The following NMNAT3 variants were observed in gnomAD, a reference collection of about 807,000 sequenced individuals.
The protein encoded by NMNAT3 is nicotinamide nucleotide adenylyltransferase 3.
A neutral mutation model predicts 24.8 loss-of-function variants in NMNAT3; 21 were observed. That is an observed-to-expected ratio of 0.85 (90% CI 0.60 to 1.22). The LOEUF is 1.22. NMNAT3 is among the 50% of genes most tolerant of loss of function. NMNAT3 has a pLI of 0.00. For synonymous variants in NMNAT3, 136 were observed against 155.2 expected (o/e 0.88, Z 0.92); for missense variants, 387 against 436.6 (o/e 0.89, Z 1.01).
chr3:139,593,954 C>T (rs1343472065), intron 3 of NMNAT3, among the ~76,000 whole-genome samples: 1 of 149,328 alleles, frequency 6.7e-6, no homozygotes, highest in Non-Finnish European at 1.5e-5. Context: ...CAAGAAATAA[C>T]TAAAATCAGA....
At position 139,665,725 on chromosome 3, in the gene NMNAT3, G is replaced by GGAGAGAGA. The variant is rs10547665; in HGVS notation, c.-141+11972_-141+11979dup. Among the ~76,000 whole-genome samples the GGAGAGAGA allele has an allele frequency of 4.8e-3, 673 of 139,646 alleles. 3 individuals carry two copies. Among genetic ancestry groups the GGAGAGAGA allele is most frequent in the South Asian group, 0.016 (66 of 4,174 alleles). The allele number at this position is 139,646 out of a possible 152,430, so 91.6% of individuals were successfully genotyped here. A position where few individuals can be genotyped will look rare whatever the true frequency, so the allele number is the denominator to read the frequency against. ...AATAGAATACTATTCATTTGTAACA[G>GGAGAGAGA]GAGAGAGAGAGAGAGAGAGAGAGAG... On this transcript the variant is annotated intron_variant, in intron 1 of 6. Coordinates refer to ENST00000643695, the MANE Select transcript of NMNAT3 (RefSeq NM_001320510.2).
intron 6 of NMNAT3, chr3:139,569,042 T>C (rs1350047199): frequency 2.0e-5 from 3 of 152,228 alleles, no homozygotes; most frequent in Admixed American, 2.0e-4. Flanking sequence ...TGGGTGCATA[T>C]ATATTTAGGA....
At chr3:139,588,160 C>A (rs534326500) in intron 3 of NMNAT3, among the ~76,000 whole-genome samples, 60 of 152,300 alleles carry the variant, frequency 3.9e-4, no homozygotes, top group African/African-American at 1.4e-3. Context: ...CAGGCCCTCC[C>A]CCACTAGATG....
At chr3:139,638,315 G>A (rs1256966234) in intron 1 of NMNAT3, among the ~76,000 whole-genome samples, 1 of 152,120 alleles carries the variant, frequency 6.6e-6, no homozygotes, top group African/African-American at 2.4e-5. Flanking sequence ...CACCTTAGTG[G>A]TAATATTTGA....
At chr3:139,613,164 C>T (rs969998747) in intron 3 of NMNAT3, among the ~76,000 whole-genome samples, 1 of 152,148 alleles carries the variant, frequency 6.6e-6, no homozygotes, top group South Asian at 2.1e-4. Context: ...AGCTTCCGCA[C>T]AGCAAAAGAA....
intron 3 of NMNAT3, chr3:139,599,437 C>G: frequency 1.4e-6 from 1 of 701,168 alleles, no homozygotes; most frequent in East Asian, 2.7e-5. Context: ...TGAAGTGCAC[C>G]CTGGGAAACA....
chr3:139,590,761 G>A (rs1305264651), intron 3 of NMNAT3, among the ~76,000 whole-genome samples: 2 of 152,066 alleles, frequency 1.3e-5, no homozygotes, highest in East Asian at 3.9e-4. Context: ...TATCTAAGAT[G>A]TTAATATGGT....
chr3:139,640,701 C>G (rs976765789), intron 1 of NMNAT3, among the ~76,000 whole-genome samples: 1 of 152,160 alleles, frequency 6.6e-6, no homozygotes, highest in African/African-American at 2.4e-5. Flanking sequence ...AAGAGCTGTT[C>G]ACCTGATACT....
chr3:139,671,833 G>T (rs778347045), intron 1 of NMNAT3, among the ~76,000 whole-genome samples: 1 of 152,142 alleles, frequency 6.6e-6, no homozygotes, highest in Non-Finnish European at 1.5e-5. Flanking sequence ...CATGTAACAG[G>T]CATTCTGTTC....
rs1009163053 is a variant in NMNAT3, at chr3:139,608,499, T to A, written c.109+19117A>T. ...GTGAAGGACAGTGTCACTTCCGCTG[T>A]TCACCCTTTCATGCTTAATTAACAT... On this transcript the variant is annotated intron_variant, in intron 3 of 6. Transcript: ENST00000643695. Among the ~76,000 whole-genome samples, 11 of 152,258 alleles carry A rather than the reference T, an allele frequency of 7.2e-5. 1 individual carries two copies. The highest frequency in any genetic ancestry group is 1.5e-5 in the Non-Finnish European group (1 of 68,048).
At position 139,579,014 on chromosome 3, in the gene NMNAT3, CGTT is replaced by C. The variant is rs1559868895; in HGVS notation, c.430_432del (p.Asn144del). 1 of 1,614,090 alleles carries C rather than the reference CGTT, an allele frequency of 6.2e-7. No individual in the cohort carries two copies. The highest frequency in any genetic ancestry group is 8.5e-7 in the Non-Finnish European group (1 of 1,180,006). ...GCGAGGTCTTTCTTCCCATAGGTGT[CGTT>C]GACAGGAGAGATGATACCCTGGATG... On this transcript the variant is annotated inframe_deletion, in exon 5 of 7. Transcript: ENST00000643695.
At chr3:139,593,313 A>T (rs1417659490) in intron 3 of NMNAT3, among the ~76,000 whole-genome samples, 1 of 152,236 alleles carries the variant, frequency 6.6e-6, no homozygotes, top group African/African-American at 2.4e-5. Context: ...AGATTCATAA[A>T]GTCCTTAGTG....
At chr3:139,573,304 C>T (rs1043929967) in intron 6 of NMNAT3, among the ~76,000 whole-genome samples, 7 of 152,192 alleles carry the variant, frequency 4.6e-5, no homozygotes, top group Non-Finnish European at 1.0e-4. Context: ...CAGTTTATCC[C>T]TGTGTGACCC....
At chr3:139,640,237 C>T (rs553636106) in intron 1 of NMNAT3, among the ~76,000 whole-genome samples, 1 of 152,164 alleles carries the variant, frequency 6.6e-6, no homozygotes, top group Non-Finnish European at 1.5e-5. Flanking sequence ...GGGCTAGTGT[C>T]CCAGTGTCTG....
At position 139,640,299 on chromosome 3, in the gene NMNAT3, T is replaced by A. The variant is rs146621455; in HGVS notation, c.-140-2237A>T. ...CCTGATTGGGGGAAAACTCAGGAGATCAGCCAGGCTGCTTTCTGGTTTTAA... is the reference window on the plus strand; with the variant it reads ...CCTGATTGGGGGAAAACTCAGGAGAACAGCCAGGCTGCTTTCTGGTTTTAA... On this transcript the variant is annotated intron_variant, in intron 1 of 6. Transcript: ENST00000643695. 3.4e-3 allele frequency among the ~76,000 whole-genome samples: 518 copies of A among 152,236 alleles called. 1 individual carries two copies. The highest frequency in any genetic ancestry group is 4.7e-3 in the Non-Finnish European group (320 of 68,018).
chr3:139,591,972 T>C (rs1421452746), intron 3 of NMNAT3, among the ~76,000 whole-genome samples: 1 of 152,222 alleles, frequency 6.6e-6, no homozygotes, highest in Non-Finnish European at 1.5e-5. Flanking sequence ...GGATGGAGAA[T>C]GACTTTGACG....
At chr3:139,654,428 C>G (rs2057168393) in intron 1 of NMNAT3, among the ~76,000 whole-genome samples, 1 of 152,228 alleles carries the variant, frequency 6.6e-6, no homozygotes, top group Admixed American at 6.5e-5. Context: ...GCTTTCTGAG[C>G]TCACAACTGA....
intron 1 of NMNAT3, among the ~76,000 whole-genome samples, chr3:139,645,205 A>G (rs2056831420): frequency 6.6e-6 from 1 of 152,152 alleles, no homozygotes; most frequent in Non-Finnish European, 1.5e-5. Flanking sequence ...CCATCTCAAA[A>G]AAGAAAAAAA....
At chr3:139,677,160 G>A (rs1401424287) in intron 1 of NMNAT3, among the ~76,000 whole-genome samples, 1 of 152,144 alleles carries the variant, frequency 6.6e-6, no homozygotes, top group Non-Finnish European at 1.5e-5. Context: ...GTAGCTGGGG[G>A]CCCTGATAAA....
Sources: gnomAD v4.1 joint callset for allele counts (sites outside exome capture counted in the v4.1 genomes callset) on GRCh38, gnomAD v4.1.1 for gene constraint, MANE v1.5 for transcripts, NCBI Gene and HGNC (gene_info 2026-07-23, HGNC 2026-07-21) for gene names.